The following TANC2 variants were observed in gnomAD, a reference collection of about 807,000 sequenced individuals.
TANC2 encodes the protein tetratricopeptide repeat, ankyrin repeat and coiled-coil containing 2, also known as protein TANC2.
TANC2 carries 26 observed loss-of-function variants against 210.5 expected under a neutral mutation model. The observed-to-expected ratio is 0.12, with a 90% CI of 0.09 to 0.17. TANC2 has a LOEUF of 0.17. TANC2 is among the 10% of genes least tolerant of loss of function. The pLI is 1.00. For synonymous variants in TANC2, 931 were observed against 967.1 expected, an observed-to-expected ratio of 0.96 and a Z score of 0.69; for missense variants, 2,129 against 2,608.9, an observed-to-expected ratio of 0.82 and a Z score of 4.01.
At chr17:63,196,246 T>C (rs2041342115) in intron 6 of TANC2, among the ~76,000 whole-genome samples, 1 of 152,236 alleles carries the variant, frequency 6.6e-6, no homozygotes, top group African/African-American at 2.4e-5. Context: ...TGTAACTATG[T>C]CAATATGCTG....
intron 9 of TANC2, among the ~76,000 whole-genome samples, chr17:63,284,172 A>G (rs895173127): frequency 2.6e-5 from 4 of 151,840 alleles, no homozygotes; most frequent in Non-Finnish European, 5.9e-5. Context: ...TCAGGAATTT[A>G]TATTGGATTT....
chr17:63,171,081 C>CTTT (rs578140711), intron 5 of TANC2, among the ~76,000 whole-genome samples: 110 of 97,972 alleles, frequency 1.1e-3, no homozygotes, highest in African/African-American at 1.6e-3. Flanking sequence ...GTATTTCTTT[C>CTTT]TTTTTTTTTT....
intron 1 of TANC2, among the ~76,000 whole-genome samples, chr17:62,973,620 T>C (rs1421448453): frequency 2.6e-5 from 4 of 152,236 alleles, no homozygotes; most frequent in Non-Finnish European, 5.9e-5. Flanking sequence ...TAACTAAAAC[T>C]AACCCTAAAG....
At chr17:63,055,990 A>AAAAAAAAAATAT (rs2035784593) in intron 2 of TANC2, among the ~76,000 whole-genome samples, 1 of 10,102 alleles carries the variant, frequency 9.9e-5, no homozygotes, top group African/African-American at 2.5e-4. Context: ...AAAAAAAAAA[A>AAAAAAAAAATAT]ATATATATAT....
At chr17:63,213,743 T>C (rs754775043) in intron 7 of TANC2, among the ~76,000 whole-genome samples, 3 of 152,224 alleles carry the variant, frequency 2.0e-5, no homozygotes, top group Non-Finnish European at 2.9e-5. Flanking sequence ...AGACTGAATA[T>C]GTGAAATGAA....
intron 9 of TANC2, among the ~76,000 whole-genome samples, chr17:63,284,111 A>AAG (rs2044148455): frequency 2.6e-5 from 4 of 152,026 alleles, no homozygotes; most frequent in Non-Finnish European, 5.9e-5. Context: ...GTTCCATATC[A>AAG]GATTAAGGAA....
intron 2 of TANC2, among the ~76,000 whole-genome samples, chr17:63,028,611 A>C (rs1273442013): frequency 6.6e-6 from 1 of 152,146 alleles, no homozygotes; most frequent in Non-Finnish European, 1.5e-5. Context: ...TTCTCCAGGT[A>C]CAGGAAGGAC....
intron 11 of TANC2, among the ~76,000 whole-genome samples, chr17:63,324,422 C>A (rs989644943): frequency 6.6e-6 from 1 of 152,066 alleles, no homozygotes; most frequent in Non-Finnish European, 1.5e-5. Context: ...GTAGTCATTT[C>A]AGTAATCCTT....
chr17:62,982,871 A>C (rs1218924630), intron 1 of TANC2, among the ~76,000 whole-genome samples: 1 of 152,122 alleles, frequency 6.6e-6, no homozygotes, highest in East Asian at 1.9e-4. Flanking sequence ...ACAGCTTTGT[A>C]GTATCTTTTG....
chr17:63,220,714 AAAAAAAT>A (rs1372257022), intron 7 of TANC2, among the ~76,000 whole-genome samples: 3 of 128,458 alleles, frequency 2.3e-5, no homozygotes, highest in African/African-American at 5.9e-5. Context: ...AAAAAAAAAA[AAAAAAAT>A]ATATATATAT....
intron 8 of TANC2, among the ~76,000 whole-genome samples, chr17:63,263,864 C>G (rs897311129): frequency 6.6e-6 from 1 of 152,172 alleles, no homozygotes; most frequent in African/African-American, 2.4e-5. Flanking sequence ...TATTAGAATT[C>G]TACAGCCTAA....
intron 16 of TANC2, 114 bp from the exon 17 acceptor site, chr17:63,389,194 A>G: frequency 2.6e-6 from 2 of 766,828 alleles, no homozygotes; most frequent in South Asian, 3.8e-5. Flanking sequence ...AAAATAAAGC[A>G]ATTACTAAAT....
At position 63,011,714 on chromosome 17, in the gene TANC2, T is replaced by C. The variant is rs2143854799; in HGVS notation, c.67+2088T>C. 2.0e-5 allele frequency among the ~76,000 whole-genome samples: 3 copies of C among 152,246 alleles called. No individual in the cohort carries two copies. The South Asian group carries it at 6.2e-4, about 32-fold the overall frequency. On this transcript the variant is annotated intron_variant, in intron 2 of 27. Transcript: ENST00000689528. ...ATAATGTCTTTTGTTTAAAAGTTCA[T>C]TTTTTTCTCATATTAATATAAGGAC...
intron 7 of TANC2, among the ~76,000 whole-genome samples, chr17:63,228,937 T>A (rs2042397846): frequency 6.6e-6 from 1 of 152,204 alleles, no homozygotes; most frequent in African/African-American, 2.4e-5. Flanking sequence ...TCTTGCCTGA[T>A]TGCCCTGGCC....
At position 63,219,157 on chromosome 17, in the gene TANC2, T is replaced by C. The variant is rs183974187; in HGVS notation, c.769+18200T>C. ...CATGTTCAAAGATCACAGTACTCCA[T>C]ACTGTTAAGATGTCAATTCTTTCTA... On this transcript the variant is annotated intron_variant, in intron 7 of 27. Coordinates refer to ENST00000689528, the Ensembl canonical transcript of TANC2. Among the ~76,000 whole-genome samples, 195 of 152,302 alleles carry C rather than the reference T, an allele frequency of 1.3e-3. 1 individual carries two copies. Among genetic ancestry groups the C allele is most frequent in the African/African-American group, 4.5e-3 (187 of 41,564 alleles).
chr17:63,192,934 C>T (rs1171605815), intron 5 of TANC2, among the ~76,000 whole-genome samples: 1 of 152,128 alleles, frequency 6.6e-6, no homozygotes, highest in African/African-American at 2.4e-5. Flanking sequence ...ATAGGAAACA[C>T]TTATTATCAG....
intron 1 of TANC2, among the ~76,000 whole-genome samples, chr17:62,997,602 G>T (rs887923071): frequency 6.6e-6 from 1 of 152,184 alleles, no homozygotes; most frequent in East Asian, 1.9e-4. Flanking sequence ...ATAATACTTA[G>T]TTCATCATTT....
chr17:63,290,114 A>T (rs1021306381), intron 9 of TANC2, among the ~76,000 whole-genome samples: 1 of 151,684 alleles, frequency 6.6e-6, no homozygotes, highest in Non-Finnish European at 1.5e-5. Context: ...GTGCTTTGGC[A>T]TGTTTCAAAA....
chr17:63,124,718 A>G (rs2038638438), intron 4 of TANC2, among the ~76,000 whole-genome samples: 1 of 152,208 alleles, frequency 6.6e-6, no homozygotes. Context: ...ACTGGGCGGC[A>G]CAGCAGGATG....
Sources: gnomAD v4.1 joint callset for allele counts (sites outside exome capture counted in the v4.1 genomes callset) on GRCh38, gnomAD v4.1.1 for gene constraint, MANE v1.5 for transcripts, NCBI Gene and HGNC (gene_info 2026-07-23, HGNC 2026-07-21) for gene names.